The following NEDD1 variants were observed in gnomAD, a reference collection of about 807,000 sequenced individuals.
NEDD1 encodes the protein protein NEDD1.
In NEDD1, 33 loss-of-function variants were observed where a neutral mutation model predicts 74.0. The ratio of observed to expected loss-of-function variants is 0.45; its 90% CI spans 0.34 to 0.60. The LOEUF is 0.60. NEDD1 is among the 20% of genes least tolerant of loss of function. The probability of loss-of-function intolerance (pLI) is 0.01; values close to 1 mark genes in which losing one functional copy is unlikely to be tolerated. For missense variants in NEDD1, 746 were observed against 776.5 expected, an observed-to-expected ratio of 0.96 and a Z score of 0.47; for synonymous variants, 250 against 264.4, an observed-to-expected ratio of 0.95 and a Z score of 0.53.
At position 96,919,919 on chromosome 12, in the gene NEDD1, G is replaced by A. The variant is rs566871799; in HGVS notation, c.349-66G>A. 10 of 1,090,750 alleles carry A rather than the reference G, an allele frequency of 9.2e-6. No individual in the cohort carries two copies. In the East Asian group the frequency reaches 2.5e-4, roughly 27 times the overall value. 67.6% of individuals were successfully genotyped at this position (1,090,750 alleles called of 1,614,324 possible). ...AAATACATAATGTATGGTATTTACA[G>A]AAACATGAAAATGGGCTGTTCGAGG... On this transcript the variant is annotated intron_variant, in intron 5 of 15. Coordinates refer to ENST00000266742, the MANE Select transcript of NEDD1 (RefSeq NM_152905.4).
At chr12:96,945,437 T>G (rs1878099029) in intron 13 of NEDD1, among the ~76,000 whole-genome samples, 1 of 152,126 alleles carries the variant, frequency 6.6e-6, no homozygotes, top group African/African-American at 2.4e-5. Context: ...TCATAGATTC[T>G]TCAAGATTAA....
At chr12:96,951,783 G>A (rs546230180) in intron 15 of NEDD1, among the ~76,000 whole-genome samples, 166 bp from the exon 16 acceptor site, 1 of 151,674 alleles carries the variant, frequency 6.6e-6, no homozygotes, top group East Asian at 1.9e-4. Flanking sequence ...TTTCACCAAC[G>A]ATCTTCCATT....
At position 96,937,392 on chromosome 12, in the gene NEDD1, A is replaced by G; in HGVS notation, c.1116A>G (p.Ala372=). 1.3e-6 allele frequency: 2 copies of G among 1,560,272 alleles called. No homozygotes were observed. Among genetic ancestry groups the G allele is most frequent in the African/African-American group, 2.8e-5 (2 of 72,146 alleles). Reference sequence around the variant, plus strand: ...GAACAGTTGCTGTTCAAGAAAAAGCAGGTAAATGTTGCTTATATATTGTTG... The same window carrying G: ...GAACAGTTGCTGTTCAAGAAAAAGCGGGTAAATGTTGCTTATATATTGTTG... ...GKGTVAVQEK[A]GLPRSINTDT... is the part of the protein sequence containing the mutation. The change falls in exon 9 of 16, where the codon GCA becomes GCG. Residue 372 remains alanine (A), a splice_region_variant and synonymous_variant. Transcript: ENST00000266742.
chr12:96,941,602 G>T (rs1877669328), intron 10 of NEDD1, among the ~76,000 whole-genome samples: 1 of 152,102 alleles, frequency 6.6e-6, no homozygotes, highest in Non-Finnish European at 1.5e-5. Flanking sequence ...AGGTTTCTGG[G>T]ATTAGTGCTG....
At chr12:96,914,893 T>C (rs78140821) in intron 4 of NEDD1, among the ~76,000 whole-genome samples, 1,527 of 152,356 alleles carry the variant, frequency 0.01, 69 homozygotes, top group East Asian at 0.095. Flanking sequence ...TAGCCAGCTC[T>C]AAATATAATT....
chr12:96,938,700 A>G (rs1877368494), intron 9 of NEDD1, among the ~76,000 whole-genome samples: 1 of 152,092 alleles, frequency 6.6e-6, no homozygotes, highest in African/African-American at 2.4e-5. Context: ...TTGTCATCTT[A>G]CAGAAAAGTT....
intron 2 of NEDD1, among the ~76,000 whole-genome samples, chr12:96,909,516 G>A (rs1050916607): frequency 2.0e-5 from 3 of 152,164 alleles, no homozygotes; most frequent in Non-Finnish European, 4.4e-5. Flanking sequence ...ATGTAAGGCA[G>A]GCTAAGGAGG....
intron 14 of NEDD1, among the ~76,000 whole-genome samples, chr12:96,949,088 G>A (rs1878467110): frequency 6.6e-6 from 1 of 152,062 alleles, no homozygotes; most frequent in Non-Finnish European, 1.5e-5. Context: ...CCCACCCAGC[G>A]AGACTATCTC....
chr12:96,919,671 A>G (rs924969276), intron 5 of NEDD1, among the ~76,000 whole-genome samples: 2 of 152,176 alleles, frequency 1.3e-5, no homozygotes, highest in Admixed American at 6.5e-5. Context: ...CATTTAGCAT[A>G]TTCTCTGCCA....
chr12:96,927,185 G>A (rs1349203212), intron 6 of NEDD1, among the ~76,000 whole-genome samples: 1 of 152,012 alleles, frequency 6.6e-6, no homozygotes, highest in Non-Finnish European at 1.5e-5. Context: ...TTCTACTTTT[G>A]CTTCTATGAA....
In NEDD1 at chr12:96,946,420, T is replaced by C. The variant is rs11108741; in HGVS notation, c.1811+571T>C. On this transcript the variant is annotated intron_variant, in intron 14 of 15. Transcript: ENST00000266742. ...AAGCTATCTTCAATTATTAAAATCA[T>C]TGGTGCCTTTTTTCCTTTCTAACCT... Among the ~76,000 whole-genome samples the C allele has an allele frequency of 1.6e-3, 238 of 152,296 alleles. 7 individuals are homozygous for C. The East Asian group carries it at 0.043, about 27-fold the overall frequency.
At chr12:96,917,812 T>A in intron 5 of NEDD1, 75 bp downstream of exon 5, 1 of 1,427,380 alleles carries the variant, frequency 7.0e-7, no homozygotes, top group Non-Finnish European at 9.3e-7. Context: ...AAGCTTTTAT[T>A]TTTGAGCTTT....
Position 96,946,487 on chromosome 12 carries a change from G to C in NEDD1, c.1811+638G>C, listed in dbSNP as rs759425188. ...CTCAGATTTGGATTACCGTAAGCAA[G>C]AATGTTGGAGAAAATGTGCAGTTTT... On this transcript the variant is annotated intron_variant, in intron 14 of 15. Coordinates refer to ENST00000266742, the MANE Select transcript of NEDD1 (RefSeq NM_152905.4). Among the ~76,000 whole-genome samples the C allele has an allele frequency of 1.5e-3, 226 of 152,084 alleles. 3 individuals are homozygous for C. The highest frequency in any genetic ancestry group is 2.6e-3 in the Non-Finnish European group (180 of 68,008).
intron 5 of NEDD1, among the ~76,000 whole-genome samples, chr12:96,919,176 T>A (rs1209830946): frequency 2.6e-5 from 4 of 152,220 alleles, no homozygotes; most frequent in African/African-American, 7.2e-5. Flanking sequence ...GAACTCAGTT[T>A]GTTTAAAACC....
chr12:96,947,011 A>G (rs1418356503), intron 14 of NEDD1, among the ~76,000 whole-genome samples: 2 of 152,154 alleles, frequency 1.3e-5, no homozygotes, highest in South Asian at 2.1e-4. Context: ...TTAAGTGACC[A>G]TCACTTCTTC....
chr12:96,913,010 T>C (rs142139676), intron 4 of NEDD1, among the ~76,000 whole-genome samples, 193 bp downstream of exon 4: 8 of 152,164 alleles, frequency 5.3e-5, no homozygotes, highest in African/African-American at 1.9e-4. Flanking sequence ...TAAAATAGTT[T>C]TGAATATAGG....
intron 12 of NEDD1, among the ~76,000 whole-genome samples, chr12:96,944,297 A>G (rs370936307): frequency 6.6e-6 from 1 of 152,070 alleles, no homozygotes; most frequent in East Asian, 1.9e-4. Flanking sequence ...GTACAAAAAC[A>G]TCTTTTGATT....
intron 2 of NEDD1, among the ~76,000 whole-genome samples, chr12:96,908,834 G>A (rs140663913): frequency 6.6e-6 from 1 of 152,310 alleles, no homozygotes; most frequent in Non-Finnish European, 1.5e-5. Flanking sequence ...TGCCAGGAAT[G>A]TTTCAAGACT....
At chr12:96,934,763 C>T (rs1467627423) in intron 6 of NEDD1, among the ~76,000 whole-genome samples, 2 of 151,994 alleles carry the variant, frequency 1.3e-5, no homozygotes, top group Non-Finnish European at 2.9e-5. Flanking sequence ...GTCTTGAACG[C>T]CTGACCTCAG....
Sources: allele counts gnomAD v4.1 joint callset (sites outside exome capture counted in the v4.1 genomes callset), GRCh38; gene constraint gnomAD v4.1.1; transcripts MANE v1.5; gene names NCBI Gene and HGNC (gene_info 2026-07-23, HGNC 2026-07-21).